CRPPA: variants seen among roughly 807,000 people sequenced by gnomAD.
CRPPA encodes the protein CDP-L-ribitol pyrophosphorylase A.
Under a neutral mutation model 52.0 loss-of-function variants are expected in CRPPA, and 43 were observed. The observed-to-expected ratio is 0.83, with a 90% CI of 0.65 to 1.07. The LOEUF (loss-of-function observed/expected upper bound fraction) is 1.07. CRPPA is among the 50% of genes least tolerant of loss of function. CRPPA has a pLI of 0.00. For missense variants in CRPPA, 629 were observed against 551.7 expected (o/e 1.14, Z -1.40); for synonymous variants, 250 against 203.5 (o/e 1.23, Z -1.94).
chr7:16,353,620 C>T (rs866010924), intron 3 of CRPPA, among the ~76,000 whole-genome samples: 3 of 152,074 alleles, frequency 2.0e-5, no homozygotes, highest in Admixed American at 6.6e-5. Context: ...GAGGCCAAGG[C>T]GGGTGGATCA....
At chr7:16,289,881 T>C (rs1784524658) in intron 5 of CRPPA, among the ~76,000 whole-genome samples, 1 of 152,056 alleles carries the variant, frequency 6.6e-6, no homozygotes, top group Admixed American at 6.6e-5. Flanking sequence ...AGAAATTAAA[T>C]TGCTGTTCTA....
chr7:16,281,267 C>A (rs1784315953), intron 5 of CRPPA, among the ~76,000 whole-genome samples: 1 of 151,772 alleles, frequency 6.6e-6, no homozygotes, highest in Non-Finnish European at 1.5e-5. Flanking sequence ...CAGTGCAGAC[C>A]CCTTTCATCT....
At chr7:16,227,494 ATT>A (rs1443137273) in intron 8 of CRPPA, among the ~76,000 whole-genome samples, 2 of 151,616 alleles carry the variant, frequency 1.3e-5, no homozygotes, top group African/African-American at 4.8e-5. Context: ...TAGTGATATT[ATT>A]TTTTCATATA....
intron 9 of CRPPA, among the ~76,000 whole-genome samples, chr7:16,148,186 C>G (rs892228801): frequency 5.9e-5 from 9 of 152,042 alleles, no homozygotes; most frequent in African/African-American, 2.2e-4. Flanking sequence ...AAAATAATTT[C>G]AGCATAACTA....
intron 3 of CRPPA, among the ~76,000 whole-genome samples, chr7:16,313,676 T>C (rs545447297): frequency 6.6e-6 from 1 of 152,122 alleles, no homozygotes; most frequent in Admixed American, 6.6e-5. Context: ...TCGTTTTTCC[T>C]GTAAGCACTG....
chr7:16,311,802 G>T (rs1785040237), intron 3 of CRPPA, among the ~76,000 whole-genome samples: 1 of 152,090 alleles, frequency 6.6e-6, no homozygotes, highest in Admixed American at 6.5e-5. Context: ...CAGGTTGAAA[G>T]TGTGTGCCTA....
chr7:16,279,943 T>G (rs951694356), intron 5 of CRPPA, among the ~76,000 whole-genome samples: 3 of 152,230 alleles, frequency 2.0e-5, no homozygotes, highest in Non-Finnish European at 4.4e-5. Flanking sequence ...CTCACAATCA[T>G]GGCAGAAGGT....
At chr7:16,389,928 A>AAAAAAAAAAAAATAT in intron 2 of CRPPA, among the ~76,000 whole-genome samples, 1 of 29,770 alleles carries the variant, frequency 3.4e-5, no homozygotes, top group African/African-American at 1.7e-4. Flanking sequence ...AAAAAAAAAA[A>AAAAAAAAAAAAATAT]ATATATATAT....
intron 8 of CRPPA, among the ~76,000 whole-genome samples, chr7:16,254,876 G>A (rs549343061): frequency 6.6e-6 from 1 of 151,436 alleles, no homozygotes; most frequent in East Asian, 1.9e-4. Context: ...GAAAGAGGCA[G>A]GCACAAGATA....
chr7:16,161,615 T>C (rs916986574), intron 9 of CRPPA, among the ~76,000 whole-genome samples: 2 of 152,350 alleles, frequency 1.3e-5, no homozygotes, highest in African/African-American at 4.8e-5. Context: ...TTTGCATCAA[T>C]GTTCATCAGG....
rs551943191 is a variant in CRPPA at position 16,096,065 on chromosome 7, T to C, written c.1252-4266A>G. 3.9e-5 allele frequency among the ~76,000 whole-genome samples: 6 copies of C among 152,182 alleles called. No homozygotes were observed. The South Asian group carries it at 1.2e-3, about 32-fold the overall frequency. ...TATCTGAAAAGCCATGACTACAGCC[T>C]GGGTATAAGGCAAAACTGAATCCGA... On this transcript the variant is annotated intron_variant, in intron 9 of 9. Transcript: ENST00000407010.
chr7:16,106,200 C>T (rs571739884), intron 9 of CRPPA, among the ~76,000 whole-genome samples: 18 of 152,256 alleles, frequency 1.2e-4, no homozygotes, highest in African/African-American at 3.1e-4. Flanking sequence ...TGCTTGACCA[C>T]GGAAGTCAAA....
chr7:16,374,262 AT>A (rs1786823101), intron 3 of CRPPA, among the ~76,000 whole-genome samples: 1 of 152,094 alleles, frequency 6.6e-6, no homozygotes, highest in Non-Finnish European at 1.5e-5. Context: ...TCTGGCTATC[AT>A]CTTTCTCCTG....
At chr7:16,374,570 G>C (rs539154840) in intron 3 of CRPPA, among the ~76,000 whole-genome samples, 1 of 152,278 alleles carries the variant, frequency 6.6e-6, no homozygotes, top group East Asian at 1.9e-4. Flanking sequence ...ACACTATTAT[G>C]TATTTTCTGC....
chr7:16,258,340 A>G, intron 8 of CRPPA, 50 bp downstream of exon 8: 1 of 1,143,836 alleles, frequency 8.7e-7, no homozygotes, highest in Middle Eastern at 2.0e-4. Context: ...ACATTGAGTT[A>G]CAAAGAAGGA....
intron 9 of CRPPA, among the ~76,000 whole-genome samples, chr7:16,199,725 AT>A (rs1163498532): frequency 2.0e-5 from 3 of 152,162 alleles, no homozygotes; most frequent in African/African-American, 7.2e-5. Context: ...TGGCTAGAGA[AT>A]TCACTACAGC....
intron 2 of CRPPA, among the ~76,000 whole-genome samples, chr7:16,394,079 A>T (rs755365770): frequency 6.6e-6 from 1 of 152,098 alleles, no homozygotes; most frequent in Non-Finnish European, 1.5e-5. Context: ...GTTACTGATG[A>T]GTATAATTCA....
intron 3 of CRPPA, among the ~76,000 whole-genome samples, chr7:16,373,400 A>G (rs1786800541): frequency 6.6e-6 from 1 of 152,254 alleles, no homozygotes; most frequent in Non-Finnish European, 1.5e-5. Context: ...TTATATGCAC[A>G]GCCTTTTATG....
intron 2 of CRPPA, among the ~76,000 whole-genome samples, chr7:16,387,915 A>T (rs1322259162): frequency 1.3e-5 from 2 of 152,224 alleles, no homozygotes; most frequent in African/African-American, 4.8e-5. Flanking sequence ...AGAGGATCAA[A>T]ATCATACCAA....
Sources: allele counts gnomAD v4.1 joint callset (sites outside exome capture counted in the v4.1 genomes callset), GRCh38; gene constraint gnomAD v4.1.1; transcripts MANE v1.5; gene names NCBI Gene and HGNC (gene_info 2026-07-23, HGNC 2026-07-21).